The following MYOF variants were observed in gnomAD, a reference collection of about 807,000 sequenced individuals.
MYOF encodes fer-1-like 3, myoferlin.
Under a neutral mutation model 284.2 loss-of-function variants are expected in MYOF, and 244 were observed. The observed-to-expected ratio is 0.86, with a 90% CI of 0.77 to 0.95. The LOEUF is 0.95. MYOF is among the 40% of genes least tolerant of loss of function. The probability of loss-of-function intolerance (pLI) is 0.00; values close to 1 mark genes in which losing one functional copy is unlikely to be tolerated. For synonymous variants in MYOF, 904 were observed against 919.7 expected (o/e 0.98, Z 0.31); for missense variants, 2,496 against 2,560.6 (o/e 0.97, Z 0.54).
At chr10:93,343,087 T>A (rs761097634) in intron 38 of MYOF, among the ~76,000 whole-genome samples, 27 of 152,306 alleles carry the variant, frequency 1.8e-4, no homozygotes, top group Non-Finnish European at 3.8e-4. Flanking sequence ...GGACATAACA[T>A]ATTAAAGTGC....
At chr10:93,331,481 G>A (rs769119936) in intron 43 of MYOF, among the ~76,000 whole-genome samples, 35 of 152,264 alleles carry the variant, frequency 2.3e-4, no homozygotes, top group Non-Finnish European at 4.4e-4. Context: ...CCTCTGAGAC[G>A]AGCAATTCAG....
rs375995576 is a variant in MYOF at position 93,478,514 on chromosome 10, G to A, written c.88+3593C>T. On this transcript the variant is annotated intron_variant, in intron 1 of 53. Transcript: ENST00000359263. ...CCTCCTAGTTCCTACCAGGCCCTGA[G>A]TAATTTGACAGCCTCAGAAGGGTCA... The A allele has an allele frequency of 1.5e-4, 23 of 154,630 alleles. No individual in the cohort carries two copies. In the South Asian group the frequency reaches 4.5e-3, roughly 30 times the overall value. 9.6% of individuals were successfully genotyped at this position (154,630 alleles called of 1,614,324 possible). A position where few individuals can be genotyped will look rare whatever the true frequency, so the allele number is the denominator to read the frequency against.
At chr10:93,317,517 A>G (rs1243756405) in intron 49 of MYOF, among the ~76,000 whole-genome samples, 1 of 152,090 alleles carries the variant, frequency 6.6e-6, no homozygotes, top group African/African-American at 2.4e-5. Context: ...CATGCCTGTA[A>G]TACCAGCTAC....
intron 3 of MYOF, among the ~76,000 whole-genome samples, chr10:93,451,353 T>A (rs1177547656): frequency 6.6e-6 from 1 of 151,946 alleles, no homozygotes; most frequent in African/African-American, 2.4e-5. Context: ...ACCTTTAGTC[T>A]CTTGTGAACT....
At chr10:93,333,672 C>G in intron 42 of MYOF, 86 bp downstream of exon 42, 1 of 1,524,160 alleles carries the variant, frequency 6.6e-7, no homozygotes, top group Admixed American at 1.8e-5. Context: ...ATAACAGACG[C>G]CCAGAAAGAA....
intron 19 of MYOF, among the ~76,000 whole-genome samples, chr10:93,383,090 T>C (rs1426880605): frequency 6.6e-6 from 1 of 151,996 alleles, no homozygotes; most frequent in Non-Finnish European, 1.5e-5. Flanking sequence ...GACACGGGGT[T>C]TTACCATAGT....
At chr10:93,368,663 C>T (rs1845436502) in intron 25 of MYOF, among the ~76,000 whole-genome samples, 1 of 152,086 alleles carries the variant, frequency 6.6e-6, no homozygotes, top group Non-Finnish European at 1.5e-5. Context: ...GGTATTGGGA[C>T]CTGTTATGTG....
At chr10:93,434,541 A>G (rs1849027893) in intron 3 of MYOF, among the ~76,000 whole-genome samples, 1 of 152,094 alleles carries the variant, frequency 6.6e-6, no homozygotes, top group Non-Finnish European at 1.5e-5. Flanking sequence ...CAATACAGAA[A>G]TTAATTCTCA....
At position 93,478,351 on chromosome 10, in the gene MYOF, A is replaced by G. The variant is rs2134412827; in HGVS notation, c.88+3756T>C. The G allele has an allele frequency of 2.2e-5, 4 of 177,890 alleles. No homozygotes were observed. The South Asian group carries it at 5.2e-4, about 23-fold the overall frequency. 11.0% of individuals were successfully genotyped at this position (177,890 alleles called of 1,614,324 possible). ...GCTCACAGGCACTCACTCCAGCCTC[A>G]ATTCGGATCTGGCTCATGGAACCTG... On this transcript the variant is annotated intron_variant, in intron 1 of 53. Coordinates refer to ENST00000359263, the MANE Select transcript of MYOF (RefSeq NM_013451.4).
chr10:93,475,071 C>T (rs774073928), intron 1 of MYOF, among the ~76,000 whole-genome samples: 3 of 152,154 alleles, frequency 2.0e-5, no homozygotes, highest in Non-Finnish European at 2.9e-5. Context: ...ATTGTATTTG[C>T]TCATGAGCAA....
chr10:93,408,745 G>A, intron 7 of MYOF, 42 bp downstream of exon 7: 1 of 1,612,958 alleles, frequency 6.2e-7, no homozygotes, highest in Non-Finnish European at 8.5e-7. Flanking sequence ...TCCCTCCCCA[G>A]TGGGACTCAT....
chr10:93,377,230 A>G, intron 22 of MYOF, 93 bp downstream of exon 22: 2 of 924,614 alleles, frequency 2.2e-6, no homozygotes, highest in South Asian at 3.0e-5. Flanking sequence ...TCTTAGACAA[A>G]CACTAGAAAC....
chr10:93,307,146 TCAG>T lies in MYOF; in HGVS notation c.6148-148_6148-146del, dbSNP rs1056987082. On this transcript the variant is annotated intron_variant, in intron 53 of 53. Transcript: ENST00000359263. ...GAGTGTCCTGTGCATTGTAGGATGT[TCAG>T]CAGCTTTCACTGGCCTCTACCCACC... is the stretch of plus-strand genomic sequence containing the variant. 4 of 698,734 alleles carry T rather than the reference TCAG, an allele frequency of 5.7e-6. No individual in the cohort carries two copies. In the African/African-American group the frequency reaches 7.4e-5, roughly 13 times the overall value. The allele number at this position is 698,734 out of a possible 1,614,324, so 43.3% of individuals were successfully genotyped here.
At chr10:93,388,622 T>C (rs1464320164) in intron 18 of MYOF, among the ~76,000 whole-genome samples, 1 of 152,220 alleles carries the variant, frequency 6.6e-6, no homozygotes, top group Non-Finnish European at 1.5e-5. Context: ...TCTGTTGTGG[T>C]AAAAAGAGCA....
intron 3 of MYOF, among the ~76,000 whole-genome samples, chr10:93,450,830 G>A (rs1187207698): frequency 6.6e-6 from 1 of 151,276 alleles, no homozygotes; most frequent in African/African-American, 2.5e-5. Context: ...CAATTGATGG[G>A]GGCATTAAAT....
chr10:93,376,851 C>T (rs1845860961), intron 22 of MYOF, among the ~76,000 whole-genome samples: 1 of 152,136 alleles, frequency 6.6e-6, no homozygotes, highest in African/African-American at 2.4e-5. Flanking sequence ...GTTCATCAGG[C>T]ATTCAGTAAA....
chr10:93,350,487 A>AT (rs1564639674), intron 35 of MYOF, among the ~76,000 whole-genome samples: 1 of 151,898 alleles, frequency 6.6e-6, no homozygotes, highest in Non-Finnish European at 1.5e-5. Context: ...TAATTTTTGT[A>AT]TTTTTAGTAG....
At chr10:93,368,171 C>A (rs1348311610) in intron 25 of MYOF, among the ~76,000 whole-genome samples, 1 of 152,110 alleles carries the variant, frequency 6.6e-6, no homozygotes, top group African/African-American at 2.4e-5. Flanking sequence ...GCCATGAAGC[C>A]CCTACTCCAC....
intron 4 of MYOF, among the ~76,000 whole-genome samples, chr10:93,431,028 T>TCTTTTCTTTC (rs770294759): frequency 9.4e-4 from 139 of 148,454 alleles, no homozygotes; most frequent in Non-Finnish European, 1.2e-3. Context: ...TCTTTTCTTT[T>TCTTTTCTTTC]TTTTTTTTTT....
Sources: gnomAD v4.1 joint callset for allele counts (sites outside exome capture counted in the v4.1 genomes callset) on GRCh38, gnomAD v4.1.1 for gene constraint, MANE v1.5 for transcripts, NCBI Gene and HGNC (gene_info 2026-07-23, HGNC 2026-07-21) for gene names.